The following ATP8B4 variants were observed in gnomAD, a reference collection of about 807,000 sequenced individuals.
ATP8B4 encodes ATPase phospholipid transporting 8B4 (putative).
ATP8B4 carries 133 observed loss-of-function variants against 145.6 expected under a neutral mutation model. The observed-to-expected ratio is 0.91, with a 90% CI of 0.79 to 1.05. The LOEUF (loss-of-function observed/expected upper bound fraction) is 1.05, where lower values mean the gene tolerates loss of function less well. Ranked by LOEUF, ATP8B4 falls within the 50% of genes least tolerant of loss-of-function variation. ATP8B4 has a pLI of 0.00. For synonymous variants in ATP8B4, 507 were observed against 492.9 expected, an observed-to-expected ratio of 1.03 and a Z score of -0.38; for missense variants, 1,458 against 1,425.2, an observed-to-expected ratio of 1.02 and a Z score of -0.37.
Position 49,979,639 on chromosome 15 carries a change from C to T in ATP8B4, c.1012G>A (p.Val338Ile). ...WSYIIILNTV[V>I]PISLYVSVEV... Reference sequence around the variant, plus strand: ...TACCTCACATATAAGGAAATGGGTACAACTGTATTGAGAATAATAATATAT... The same window carrying T: ...TACCTCACATATAAGGAAATGGGTATAACTGTATTGAGAATAATAATATAT... Residue 338 changes from valine (V) to isoleucine (I), a missense_variant, in exon 12 of 28, where the codon GTA (valine) becomes ATA (isoleucine). Physicochemically the swap from Val to Ile is conservative, Grantham distance 29 (BLOSUM62 3). Transcript: ENST00000284509. 6.4e-7 allele frequency: 1 copy of T among 1,559,832 alleles called. No homozygotes were observed. The highest frequency in any genetic ancestry group is 1.4e-5 in the African/African-American group (1 of 73,470).
rs1050794778 is a variant in ATP8B4 at position 50,136,826 on chromosome 15, G to A, written c.-42-29818C>T. Among the ~76,000 whole-genome samples, 12 of 152,190 alleles carry A rather than the reference G, an allele frequency of 7.9e-5. No homozygotes were observed. In the East Asian group the frequency reaches 2.1e-3, roughly 27 times the overall value. ...TTACCCTGTGTGTCTCAGTTACCCC[G>A]TCTGTAAGATGGGGTTGATAGTAAT... On this transcript the variant is annotated intron_variant, in intron 1 of 3. Transcript: ENST00000558829.
chr15:50,166,544 A>G lies in ATP8B4; in HGVS notation c.-43+15717T>C, dbSNP rs117996650. Reference sequence around the variant, plus strand: ...ACGATGTTTTGAATAAGGAAACCCAACTACCTTCCCTATTTCCACTTCCAT... The same window carrying G: ...ACGATGTTTTGAATAAGGAAACCCAGCTACCTTCCCTATTTCCACTTCCAT... On this transcript the variant is annotated intron_variant, in intron 1 of 3. Coordinates refer to the ATP8B4 transcript ENST00000558829. Among the ~76,000 whole-genome samples the G allele has an allele frequency of 4.3e-3, 649 of 152,324 alleles. 4 individuals carry two copies. The highest frequency in any genetic ancestry group is 7.9e-3 in the Non-Finnish European group (540 of 68,028).
intron 1 of ATP8B4, chr15:50,113,390 G>A (rs778490351): frequency 3.9e-5 from 6 of 152,208 alleles, no homozygotes; most frequent in South Asian, 2.1e-4. Flanking sequence ...GAGGGTGAGG[G>A]TGGGAGCTAA....
chr15:49,876,586 C>T, intron 24 of ATP8B4, 63 bp from the exon 25 acceptor site: 6 of 1,595,984 alleles, frequency 3.8e-6, no homozygotes, highest in South Asian at 2.2e-5. Context: ...CCTTGTATTC[C>T]CTATCTTCAG....
intron 6 of ATP8B4, among the ~76,000 whole-genome samples, chr15:50,025,967 C>T (rs1238033712): frequency 1.2e-4 from 19 of 152,138 alleles, no homozygotes; most frequent in Admixed American, 1.2e-3. Context: ...ACCCTAGTAG[C>T]CTCATGCTTT....
At chr15:50,075,529 C>A (rs1238813531) in intron 2 of ATP8B4, among the ~76,000 whole-genome samples, 1 of 152,150 alleles carries the variant, frequency 6.6e-6, no homozygotes, top group African/African-American at 2.4e-5. Context: ...TGCATGGTTT[C>A]CCTCTTGCCT....
At chr15:50,027,311 C>T (rs991045964) in intron 6 of ATP8B4, among the ~76,000 whole-genome samples, 2 of 152,002 alleles carry the variant, frequency 1.3e-5, no homozygotes, top group East Asian at 3.8e-4. Flanking sequence ...TCCTAATAGT[C>T]CATGTGTCCG....
chr15:50,116,167 C>T (rs1350800147), intron 1 of ATP8B4, among the ~76,000 whole-genome samples: 1 of 152,154 alleles, frequency 6.6e-6, no homozygotes, highest in Non-Finnish European at 1.5e-5. Context: ...CCCGTAATTC[C>T]AGCACTTTGG....
intron 13 of ATP8B4, among the ~76,000 whole-genome samples, chr15:49,971,875 T>C (rs139766298): frequency 6.6e-6 from 1 of 152,300 alleles, no homozygotes; most frequent in Non-Finnish European, 1.5e-5. Context: ...CCTACCCAAA[T>C]GCCCATCAGT....
intron 6 of ATP8B4, among the ~76,000 whole-genome samples, chr15:50,026,574 T>C (rs1567220789): frequency 1.3e-5 from 2 of 152,214 alleles, no homozygotes; most frequent in Non-Finnish European, 2.9e-5. Flanking sequence ...AACTGCACTA[T>C]ACATAAGATT....
intron 3 of ATP8B4, among the ~76,000 whole-genome samples, chr15:50,056,629 G>A (rs187059125): frequency 6.6e-6 from 1 of 151,194 alleles, no homozygotes; most frequent in East Asian, 1.9e-4. Flanking sequence ...AGAACTTCAT[G>A]TATATTTTAA....
intron 12 of ATP8B4, among the ~76,000 whole-genome samples, chr15:49,974,759 T>C (rs2153526207): frequency 6.6e-6 from 1 of 152,312 alleles, no homozygotes; most frequent in Admixed American, 6.5e-5. Flanking sequence ...TTGATATACA[T>C]ATGAGGAGCA....
intron 2 of ATP8B4, among the ~76,000 whole-genome samples, chr15:50,078,814 A>G (rs1181309625): frequency 1.3e-5 from 2 of 152,206 alleles, no homozygotes; most frequent in Non-Finnish European, 2.9e-5. Flanking sequence ...GACATTTCTC[A>G]TCAGCAATAA....
intron 6 of ATP8B4, among the ~76,000 whole-genome samples, chr15:50,023,779 C>CA (rs60030651): frequency 2.7e-3 from 205 of 74,942 alleles, no homozygotes; most frequent in Non-Finnish European, 3.6e-3. Context: ...AGACCAAAGG[C>CA]AAAAAAAAAA....
At chr15:50,132,436 C>T (rs904334810) in intron 1 of ATP8B4, among the ~76,000 whole-genome samples, 4 of 152,064 alleles carry the variant, frequency 2.6e-5, no homozygotes, top group African/African-American at 7.2e-5. Flanking sequence ...GTTAGAATGG[C>T]GATCATTAAA....
chr15:49,867,602 C>G (rs1004071523), intron 25 of ATP8B4, among the ~76,000 whole-genome samples: 2 of 152,196 alleles, frequency 1.3e-5, no homozygotes, highest in African/African-American at 4.8e-5. Context: ...TTAACACTCT[C>G]AAGAGTCAAC....
chr15:50,023,801 A>G (rs1286032734), intron 6 of ATP8B4, among the ~76,000 whole-genome samples: 1 of 147,398 alleles, frequency 6.8e-6, no homozygotes. Flanking sequence ...AAAAAAGAAA[A>G]AAAAGAAAAA....
intron 7 of ATP8B4, among the ~76,000 whole-genome samples, chr15:50,003,245 T>C (rs1037591533): frequency 6.6e-6 from 1 of 151,726 alleles, no homozygotes; most frequent in Non-Finnish European, 1.5e-5. Flanking sequence ...CTCAAGCTTT[T>C]AAATTTGCAA....
At chr15:50,000,887 T>A (rs2047833924) in intron 8 of ATP8B4, among the ~76,000 whole-genome samples, 1 of 152,144 alleles carries the variant, frequency 6.6e-6, no homozygotes, top group Admixed American at 6.5e-5. Context: ...AATTATCTAT[T>A]TCATATTAAG....
Sources: allele counts gnomAD v4.1 joint callset (sites outside exome capture counted in the v4.1 genomes callset), GRCh38; gene constraint gnomAD v4.1.1; transcripts MANE v1.5; gene names NCBI Gene and HGNC (gene_info 2026-07-23, HGNC 2026-07-21).